Variants in EIF4G1 observed in about 807,000 individuals in gnomAD.
The protein encoded by EIF4G1 is EIF4-gamma.
EIF4G1 carries 4 observed loss-of-function variants against 187.8 expected under a neutral mutation model. That is an observed-to-expected ratio of 0.02 (90% confidence interval 0.01 to 0.05). EIF4G1 has a LOEUF of 0.05. EIF4G1 is among the 10% of genes least tolerant of loss of function. The pLI is 1.00. For missense variants in EIF4G1, 1,647 were observed against 2,081.1 expected (o/e 0.79, Z 4.06); for synonymous variants, 844 against 781.4 (o/e 1.08, Z -1.34).
rs767213032 is a variant in EIF4G1, at chr3:184,325,939, C to G, written c.3210C>G (p.Thr1070=). 6.2e-6 allele frequency: 10 copies of G among 1,613,982 alleles called. No individual in the cohort carries two copies. Among genetic ancestry groups the G allele is most frequent in the Middle Eastern group, 3.3e-4 (2 of 6,084 alleles). Residue 1070 remains threonine, a synonymous_variant, in exon 21 of 33, where the codon ACC becomes ACG. Transcript: ENST00000346169. The surrounding 1 kb of genome is among the most constrained non-coding windows in gnomAD (Gnocchi z 5.2). ...GCCCCATTGACACCTCACGACTCACCAAGATCACCAAGGTAGGGGTGTGTG... is the reference window on the plus strand; with the variant it reads ...GCCCCATTGACACCTCACGACTCACGAAGATCACCAAGGTAGGGGTGTGTG... ...GSRPIDTSRL[T]KITKPGSIDS... is the part of the protein sequence containing the mutation.
At chr3:184,316,763 C>A (rs77558405) in intron 4 of EIF4G1, 1 of 1,593,396 alleles carries the variant, frequency 6.3e-7, no homozygotes, top group African/African-American at 1.3e-5. Flanking sequence ...CCTGGACAGT[C>A]TTCTGGTCTC....
chr3:184,321,848 G>A lies in EIF4G1; in HGVS notation c.1264G>A (p.Glu422Lys). ...AVDLSPVSEPEEQAKEVTASM... is the reference protein window; with the variant it reads ...AVDLSPVSEPKEQAKEVTASM... ...GGACTTAAGCCCAGTCAGTGAGCCA[G>A]AGGAGCAGGCCAAGGAGGTGACAGC... The change falls in exon 10 of 33, where the codon GAG becomes AAG. Residue 422 changes from glutamate to lysine, a missense_variant. Glu to Lys is a moderately conservative substitution (Grantham distance 56). Around this residue, in one of 11 missense-constraint regions of EIF4G1, gnomAD observed 522 missense variants for 485.2 expected, o/e 1.08. Coordinates refer to ENST00000346169, the MANE Select transcript of EIF4G1 (RefSeq NM_198241.3). 1 of 1,614,130 alleles carries A rather than the reference G, an allele frequency of 6.2e-7. No homozygotes were observed. Among genetic ancestry groups the A allele is most frequent in the African/African-American group, 1.3e-5 (1 of 75,040 alleles).
At chr3:184,324,387 C>T in intron 17 of EIF4G1, 40 bp downstream of exon 17, 1 of 1,613,744 alleles carries the variant, frequency 6.2e-7, no homozygotes, top group Non-Finnish European at 8.5e-7. Flanking sequence ...CACCACTTAC[C>T]TCCTTCCCTT....
Position 184,318,198 on chromosome 3 carries a change from G to C in EIF4G1, c.424+382G>C, listed in dbSNP as rs139293194. Among the ~76,000 whole-genome samples the C allele has an allele frequency of 2.2e-3, 332 of 152,224 alleles. 1 individual carries two copies. Among genetic ancestry groups the C allele is most frequent in the African/African-American group, 7.2e-3 (298 of 41,516 alleles). Reference sequence around the variant, plus strand: ...GGATTAGTCTGTTCTTTATGGCAGTGGCTTCCAAGTTTTTTGATCACCTAT... The same window carrying C: ...GGATTAGTCTGTTCTTTATGGCAGTCGCTTCCAAGTTTTTTGATCACCTAT... On this transcript the variant is annotated intron_variant, in intron 6 of 32. Transcript: ENST00000346169.
At position 184,317,706 on chromosome 3, in the gene EIF4G1, T is replaced by A; in HGVS notation, c.325-11T>A. ...TCAACTCCTTCTCTCCCTCTCCCCC[T>A]TCCCCACCAGGGGCGTTCCACATAC... On this transcript the variant is annotated splice_polypyrimidine_tract_variant and intron_variant, in intron 5 of 32. Transcript: ENST00000346169. 1 of 1,611,214 alleles carries A rather than the reference T, an allele frequency of 6.2e-7. No homozygotes were observed. Among genetic ancestry groups the A allele is most frequent in the Non-Finnish European group, 8.5e-7 (1 of 1,177,428 alleles).
At chr3:184,324,830 G>C in intron 17 of EIF4G1, 48 bp from the exon 18 acceptor site, 1 of 1,595,460 alleles carries the variant, frequency 6.3e-7, no homozygotes, top group Non-Finnish European at 8.6e-7. Context: ...GGTTTTAGCC[G>C]AGTGGCTGGT....
In EIF4G1 at chr3:184,325,042, T is replaced by C; in HGVS notation, c.2784T>C (p.Asp928=). 1 of 1,614,220 alleles carries C rather than the reference T, an allele frequency of 6.2e-7. No individual in the cohort carries two copies. Among genetic ancestry groups the C allele is most frequent in the Non-Finnish European group, 8.5e-7 (1 of 1,180,038 alleles). The change falls in exon 18 of 33, where the codon GAT becomes GAC. Residue 928 remains aspartate (D), a synonymous_variant. Transcript: ENST00000346169. The surrounding 1 kb of genome is among the most constrained non-coding windows in gnomAD (Gnocchi z 5.2). ...DCVVKLLKNH[D]EESLECLCRL... ...TGGTCAAACTGCTTAAGAACCATGA[T>C]GAAGAGTCCCTTGAGTGCCTTTGTC...
chr3:184,315,832 C>T lies in EIF4G1; in HGVS notation c.36C>T (p.Pro12=), dbSNP rs1036811722. 6.5e-7 allele frequency: 1 copy of T among 1,549,322 alleles called. No individual in the cohort carries two copies. The highest frequency in any genetic ancestry group is 8.7e-7 in the Non-Finnish European group (1 of 1,145,046). Residue 12 remains proline, a synonymous_variant, in exon 3 of 33, where the codon CCC becomes CCT. Transcript: ENST00000346169. ...NKAPQSTGPP[P]APSPGLPQPA... ...CTCCACAGTCCACAGGCCCCCCACCCGCCCCATCCCCCGGACTCCCACAGG... is the reference window on the plus strand; with the variant it reads ...CTCCACAGTCCACAGGCCCCCCACCTGCCCCATCCCCCGGACTCCCACAGG...
Position 184,328,016 on chromosome 3 carries a change from C to T in EIF4G1, c.3953+14C>T. ...GTACTACCAAGGGTATGACCAGCTT[C>T]TCTGGGCCTCCCACTTATACAGACC... On this transcript the variant is annotated intron_variant, in intron 26 of 32. Transcript: ENST00000346169. 1.2e-6 allele frequency: 2 copies of T among 1,601,564 alleles called. No individual in the cohort carries two copies. Among genetic ancestry groups the T allele is most frequent in the Non-Finnish European group, 1.7e-6 (2 of 1,179,912 alleles).
rs553717750 is a variant in EIF4G1, at chr3:184,326,373, T to C, written c.3223-154T>C. ...CTGGTTTCATGCTACTGTGGCAGAA[T>C]TGAGTAGTTGCAATAGAGACTGGCC... On this transcript the variant is annotated intron_variant, in intron 21 of 32. Transcript: ENST00000346169. 2.0e-5 allele frequency among the ~76,000 whole-genome samples: 3 copies of C among 152,324 alleles called. No individual in the cohort carries two copies. In the East Asian group the frequency reaches 5.8e-4, roughly 29 times the overall value.
In EIF4G1 at chr3:184,327,907, G is replaced by A. The variant is rs748359022; in HGVS notation, c.3858G>A (p.Thr1286=). The A allele has an allele frequency of 6.8e-6, 11 of 1,613,330 alleles. No homozygotes were observed. The highest frequency in any genetic ancestry group is 1.6e-4 in the Middle Eastern group (1 of 6,084). ...TTGTACGGCATGGTGTCGAGTCTAC[G>A]CTGGAGCGCAGTGCCATTGCTCGTG... The part of the protein sequence containing the change: ...FIFVRHGVES[T]LERSAIAREH... Residue 1286 remains threonine, a synonymous_variant, in exon 26 of 33, where the codon ACG becomes ACA. Transcript: ENST00000346169.
chr3:184,319,423 AG>A (rs1560209286), intron 6 of EIF4G1, among the ~76,000 whole-genome samples: 1 of 137,998 alleles, frequency 7.2e-6, no homozygotes, highest in Non-Finnish European at 1.6e-5. Context: ...CCTGCCTACG[AG>A]GGGTGTGTGT....
In EIF4G1 at chr3:184,325,433, G is replaced by T. The variant is rs750417068; in HGVS notation, c.2962-47G>T. 5.0e-6 allele frequency: 8 copies of T among 1,614,154 alleles called. No homozygotes were observed. The highest frequency in any genetic ancestry group is 6.8e-6 in the Non-Finnish European group (8 of 1,180,024). The stretch of plus-strand genomic sequence containing the variant: ...TGCCTCCAGTTTCTGACACTGCCTT[G>T]TCTTGCCTTCCCTGACATCATCGTG... On this transcript the variant is annotated intron_variant, in intron 19 of 32. Coordinates refer to ENST00000346169, the MANE Select transcript of EIF4G1 (RefSeq NM_198241.3). This position sits in a 1 kb window ranked among gnomAD's most constrained non-coding sequence, Gnocchi z 5.2.
chr3:184,327,748 G>C, intron 25 of EIF4G1, 44 bp downstream of exon 25: 1 of 1,613,428 alleles, frequency 6.2e-7, no homozygotes, highest in East Asian at 2.2e-5. Flanking sequence ...GGGCAGGGAG[G>C]GATCATGCTG....
intron 26 of EIF4G1, 141 bp from the exon 27 acceptor site, chr3:184,328,490 G>GC (rs1725403221): frequency 4.3e-6 from 5 of 1,155,640 alleles, no homozygotes; most frequent in Non-Finnish European, 5.2e-6. Context: ...CACAGAGGTG[G>GC]CCTTAGCTTG....
At position 184,321,649 on chromosome 3, in the gene EIF4G1, A is replaced by C. The variant is rs755585969; in HGVS notation, c.1065A>C (p.Thr355=). Residue 355 remains threonine, a synonymous_variant, in exon 10 of 33, where the codon ACA becomes ACC. Transcript: ENST00000346169. ...CTCCCACCCCTTTGGCATCTCACAC[A>C]GTGGAAATTCATGAGCCTAATGGCA... ...LQAPTPLASH[T]VEIHEPNGMV... 6 of 1,609,048 alleles carry C rather than the reference A, an allele frequency of 3.7e-6. No homozygotes were observed.
chr3:184,329,075 G>GGTGGA, intron 28 of EIF4G1, 85 bp downstream of exon 28: 14 of 1,489,582 alleles, frequency 9.4e-6, no homozygotes, highest in Non-Finnish European at 1.3e-5. Context: ...ATGGTCCATT[G>GGTGGA]GTGGAGTGGA....
Position 184,323,713 on chromosome 3 carries a change from C to A in EIF4G1, c.2275-67C>A. 1 of 1,610,798 alleles carries A rather than the reference C, an allele frequency of 6.2e-7. No homozygotes were observed. The highest frequency in any genetic ancestry group is 8.5e-7 in the Non-Finnish European group (1 of 1,178,716). ...CTGTCATGCCTAAGTCCCCACCACC[C>A]TCTCCTGTCCCTCCCAACAGCCTGT... On this transcript the variant is annotated intron_variant, in intron 15 of 32. Transcript: ENST00000346169. The surrounding 1 kb of genome is among the most constrained non-coding windows in gnomAD (Gnocchi z 6.9).
chr3:184,322,187 T>A (rs1423224034), intron 10 of EIF4G1, 84 bp downstream of exon 10: 1 of 1,600,340 alleles, frequency 6.2e-7, no homozygotes, highest in Admixed American at 1.7e-5. Context: ...ATTTTTGACA[T>A]GTTTCTGGGT....
Sources: allele counts gnomAD v4.1 joint callset (sites outside exome capture counted in the v4.1 genomes callset), GRCh38; gene constraint gnomAD v4.1.1; regional missense constraint gnomAD v4.1.1; non-coding constraint Gnocchi (gnomAD v3.1); transcripts MANE v1.5; gene names NCBI Gene and HGNC (gene_info 2026-07-23, HGNC 2026-07-21).